The following CDKAL1 variants were observed in gnomAD, a reference collection of about 807,000 sequenced individuals.
CDKAL1 encodes the protein CDKAL1 threonylcarbamoyladenosine tRNA methylthiotransferase, also known as threonylcarbamoyladenosine tRNA methylthiotransferase.
A neutral mutation model predicts 68.2 loss-of-function variants in CDKAL1; 32 were observed. That is an observed-to-expected ratio of 0.47 (90% CI 0.35 to 0.63). The LOEUF is 0.63. CDKAL1 is among the 30% of genes least tolerant of loss of function. The pLI is 0.00. For synonymous variants in CDKAL1, 234 were observed against 244.3 expected (o/e 0.96, Z 0.39); for missense variants, 606 against 696.7 (o/e 0.87, Z 1.47).
chr6:21,056,407 G>A (rs1386740310), intron 11 of CDKAL1, among the ~76,000 whole-genome samples: 1 of 152,010 alleles, frequency 6.6e-6, no homozygotes, highest in Non-Finnish European at 1.5e-5. Flanking sequence ...TGTTTATTGA[G>A]TTAAGAGGTT....
chr6:20,745,413 T>C (rs1427067342), intron 6 of CDKAL1, among the ~76,000 whole-genome samples: 1 of 152,194 alleles, frequency 6.6e-6, no homozygotes, highest in African/African-American at 2.4e-5. Context: ...TTCTCCTGTT[T>C]GCCCCTACTT....
At chr6:21,075,778 G>C (rs1016868780) in intron 12 of CDKAL1, among the ~76,000 whole-genome samples, 3 of 152,050 alleles carry the variant, frequency 2.0e-5, no homozygotes, top group Non-Finnish European at 4.4e-5. Flanking sequence ...GTCTGCCTAG[G>C]AAAGGTCACC....
chr6:20,902,027 C>T (rs555191468), intron 9 of CDKAL1, among the ~76,000 whole-genome samples: 3 of 152,226 alleles, frequency 2.0e-5, no homozygotes, highest in Non-Finnish European at 2.9e-5. Context: ...CTGCCTGCCT[C>T]GGCCAGAAAC....
intron 15 of CDKAL1, among the ~76,000 whole-genome samples, chr6:21,230,456 C>A (rs1411697362): frequency 1.3e-5 from 2 of 152,260 alleles, no homozygotes; most frequent in Non-Finnish European, 2.9e-5. Flanking sequence ...GCCACCACAC[C>A]TGGCCCATGG....
intron 4 of CDKAL1, among the ~76,000 whole-genome samples, chr6:20,600,567 A>G (rs1766037428): frequency 6.6e-6 from 1 of 152,012 alleles, no homozygotes. Context: ...TAGTGACTGA[A>G]CAAACATGAG....
chr6:21,091,999 G>T (rs1238498867), intron 12 of CDKAL1, among the ~76,000 whole-genome samples: 1 of 149,576 alleles, frequency 6.7e-6, no homozygotes, highest in Non-Finnish European at 1.5e-5. Context: ...CCATTCTCCT[G>T]CCTCAGCCTC....
chr6:21,084,541 A>G (rs1289705946), intron 12 of CDKAL1, among the ~76,000 whole-genome samples: 1 of 152,196 alleles, frequency 6.6e-6, no homozygotes, highest in Non-Finnish European at 1.5e-5. Flanking sequence ...TGACTTACCA[A>G]ATCTGCCTGG....
chr6:20,747,347 A>G lies in CDKAL1; in HGVS notation c.468+7732A>G, dbSNP rs567984965. ...AGAGTGCTGATTTCATTTCCTTTGG[A>G]TATATAAGGATTGCTGGATCATATG... On this transcript the variant is annotated intron_variant, in intron 6 of 15. Transcript: ENST00000274695. Among the ~76,000 whole-genome samples the G allele has an allele frequency of 7.2e-5, 11 of 152,282 alleles. No homozygotes were observed. In the East Asian group the frequency reaches 2.1e-3, roughly 29 times the overall value.
At chr6:21,027,684 G>A (rs1467215263) in intron 11 of CDKAL1, among the ~76,000 whole-genome samples, 1 of 152,186 alleles carries the variant, frequency 6.6e-6, no homozygotes, top group Non-Finnish European at 1.5e-5. Context: ...CAGTATGAAA[G>A]CCCTCACAGA....
At chr6:20,811,089 C>T (rs962037252) in intron 8 of CDKAL1, among the ~76,000 whole-genome samples, 5 of 152,134 alleles carry the variant, frequency 3.3e-5, no homozygotes, top group Admixed American at 1.3e-4. Flanking sequence ...TAGCAGTTAC[C>T]CTAATGTACA....
At chr6:20,714,298 T>C (rs1352012701) in intron 5 of CDKAL1, among the ~76,000 whole-genome samples, 1 of 151,406 alleles carries the variant, frequency 6.6e-6, no homozygotes, top group Non-Finnish European at 1.5e-5. Context: ...ATTAAATTTT[T>C]TGCATGTTAA....
At position 20,961,148 on chromosome 6, in the gene CDKAL1, A is replaced by G. The variant is rs547653685; in HGVS notation, c.909+5563A>G. Among the ~76,000 whole-genome samples, 85 of 152,344 alleles carry G rather than the reference A, an allele frequency of 5.6e-4. 1 individual carries two copies. The South Asian group carries it at 0.017, about 30-fold the overall frequency. ...TTAAGACACATGCATGCATATGTTCATTGCAGCACTATGCACAATCACAAA... is the reference window on the plus strand; with the variant it reads ...TTAAGACACATGCATGCATATGTTCGTTGCAGCACTATGCACAATCACAAA... On this transcript the variant is annotated intron_variant, in intron 10 of 15. Transcript: ENST00000274695.
intron 11 of CDKAL1, among the ~76,000 whole-genome samples, chr6:21,053,334 A>G (rs1399709396): frequency 6.6e-6 from 1 of 152,204 alleles, no homozygotes; most frequent in East Asian, 1.9e-4. Flanking sequence ...TAATTTCCAC[A>G]TATGGATATG....
intron 9 of CDKAL1, among the ~76,000 whole-genome samples, chr6:20,915,934 G>GT (rs1359352457): frequency 6.6e-6 from 1 of 151,514 alleles, no homozygotes. Flanking sequence ...ATTATGTTGA[G>GT]TTAAAAAAAA....
At chr6:21,078,271 C>G (rs953727269) in intron 12 of CDKAL1, among the ~76,000 whole-genome samples, 13 of 152,216 alleles carry the variant, frequency 8.5e-5, no homozygotes, top group African/African-American at 2.9e-4. Flanking sequence ...TCTTTCAGGG[C>G]TTTATGTTAC....
chr6:21,075,710 G>A (rs1048131921), intron 12 of CDKAL1, among the ~76,000 whole-genome samples: 4 of 152,054 alleles, frequency 2.6e-5, no homozygotes, highest in Non-Finnish European at 5.9e-5. Context: ...TCCTTCATTA[G>A]TCTTCATTCA....
At chr6:20,567,568 T>C (rs529355457) in intron 4 of CDKAL1, among the ~76,000 whole-genome samples, 1 of 152,238 alleles carries the variant, frequency 6.6e-6, no homozygotes, top group African/African-American at 2.4e-5. Context: ...TAGCCTCTTT[T>C]GGTAGCCAGT....
In CDKAL1 at chr6:20,758,577, G is replaced by T. The variant is rs755708499; in HGVS notation, c.469-18G>T. On this transcript the variant is annotated intron_variant, in intron 6 of 15. Transcript: ENST00000274695. ...CTTCGTGTAAATTACTTGTGTAATC[G>T]TTTTTTTTTTTTTCCAGGTTCAGCA... The T allele has an allele frequency of 2.7e-5, 36 of 1,325,566 alleles. No homozygotes were observed. The highest frequency in any genetic ancestry group is 3.3e-5 in the Non-Finnish European group (32 of 961,888). The allele number at this position is 1,325,566 out of a possible 1,614,324, so 82.1% of individuals were successfully genotyped here. A position where few individuals can be genotyped will look rare whatever the true frequency, so the allele number is the denominator to read the frequency against.
chr6:21,020,421 C>G (rs140950835), intron 11 of CDKAL1, among the ~76,000 whole-genome samples: 3 of 152,196 alleles, frequency 2.0e-5, no homozygotes, highest in Admixed American at 6.5e-5. Context: ...TTAGAGTTCA[C>G]AGGTTCACAG....
Sources: allele counts gnomAD v4.1 joint callset (sites outside exome capture counted in the v4.1 genomes callset), GRCh38; gene constraint gnomAD v4.1.1; transcripts MANE v1.5; gene names NCBI Gene and HGNC (gene_info 2026-07-23, HGNC 2026-07-21).